SIRT1: variants seen among roughly 807,000 people sequenced by gnomAD.
SIRT1 encodes sirtuin 1.
Under a neutral mutation model 67.9 loss-of-function variants are expected in SIRT1, and 24 were observed. That is an observed-to-expected ratio of 0.35 (90% CI 0.26 to 0.50). The LOEUF (loss-of-function observed/expected upper bound fraction) is 0.50. SIRT1 is among the 20% of genes least tolerant of loss of function. The probability of loss-of-function intolerance (pLI) is 0.98; values close to 1 mark genes in which losing one functional copy is unlikely to be tolerated. For synonymous variants in SIRT1, 378 were observed against 350.7 expected, an observed-to-expected ratio of 1.08 and a Z score of -0.87; for missense variants, 873 against 937.2, an observed-to-expected ratio of 0.93 and a Z score of 0.89.
chr10:67,906,516 T>G (rs1423489514), intron 4 of SIRT1, among the ~76,000 whole-genome samples: 1 of 152,170 alleles, frequency 6.6e-6, no homozygotes, highest in Non-Finnish European at 1.5e-5. Flanking sequence ...TACTTCTGAC[T>G]TTTATTAAAA....
At position 67,888,884 on chromosome 10, in the gene SIRT1, C is replaced by T; in HGVS notation, c.550C>T (p.Pro184Ser). The change falls in exon 3 of 9, where the codon CCA becomes TCA. Residue 184 changes from proline (P) to serine (S), a missense_variant and splice_region_variant. Physicochemically the swap from Pro to Ser is moderately conservative, Grantham distance 74. Transcript: ENST00000212015. Reference sequence around the variant, plus strand: ...AAGCCTTTTCCCCCTTATTGTAGGTCCATATACTTTTGTTCAGCAACATCT... The same window carrying T: ...AAGCCTTTTCCCCCTTATTGTAGGTTCATATACTTTTGTTCAGCAACATCT... Reference protein sequence around the residue: ...SDWTPRPRIGPYTFVQQHLMI... With the variant: ...SDWTPRPRIGSYTFVQQHLMI... The T allele has an allele frequency of 1.9e-6, 3 of 1,608,480 alleles. No individual in the cohort carries two copies. In the Admixed American group the frequency reaches 5.0e-5, roughly 27 times the overall value.
intron 3 of SIRT1, among the ~76,000 whole-genome samples, chr10:67,890,731 AAAAG>A (rs1474128074): frequency 6.7e-6 from 1 of 148,526 alleles, no homozygotes; most frequent in Non-Finnish European, 1.5e-5. Flanking sequence ...AAACTGTCTA[AAAAG>A]AAAAAAAACA....
At chr10:67,906,989 G>T in intron 5 of SIRT1, 52 bp downstream of exon 5, 1 of 1,433,312 alleles carries the variant, frequency 7.0e-7, no homozygotes, top group Non-Finnish European at 9.3e-7. Flanking sequence ...TTTATAGGAA[G>T]ATATTTCCTA....
At chr10:67,909,988 A>C (rs901044678) in intron 7 of SIRT1, among the ~76,000 whole-genome samples, 1 of 152,134 alleles carries the variant, frequency 6.6e-6, no homozygotes, top group East Asian at 1.9e-4. Context: ...CTAGGATTAC[A>C]GGCACGAGCC....
intron 4 of SIRT1, among the ~76,000 whole-genome samples, chr10:67,896,572 G>C (rs1312519796): frequency 6.6e-6 from 1 of 151,992 alleles, no homozygotes; most frequent in Non-Finnish European, 1.5e-5. Flanking sequence ...GAGGTGGGCG[G>C]ATCACTTGAG....
chr10:67,907,867 C>T (rs1024767777), intron 5 of SIRT1, among the ~76,000 whole-genome samples, 179 bp from the exon 6 acceptor site: 2 of 152,142 alleles, frequency 1.3e-5, no homozygotes, highest in Non-Finnish European at 2.9e-5. Context: ...CCTAGATTCT[C>T]CTGTAGTATA....
intron 7 of SIRT1, among the ~76,000 whole-genome samples, chr10:67,911,777 A>AC (rs1842903247): frequency 1.5e-5 from 1 of 66,140 alleles, no homozygotes; most frequent in Admixed American, 1.7e-4. Flanking sequence ...CCTTCCTCCC[A>AC]CCCTCCCTCC....
At chr10:67,910,257 C>T (rs995312387) in intron 7 of SIRT1, among the ~76,000 whole-genome samples, 3 of 151,998 alleles carry the variant, frequency 2.0e-5, no homozygotes, top group African/African-American at 7.3e-5. Context: ...CACATGTAGT[C>T]CCAGCTACTT....
chr10:67,885,342 G>C (rs1250024213), intron 1 of SIRT1, 191 bp downstream of exon 1: 2 of 1,237,582 alleles, frequency 1.6e-6, no homozygotes, highest in Non-Finnish European at 2.0e-6. Flanking sequence ...CAGTGGATTC[G>C]CTCTTTTCCT....
At chr10:67,908,706 A>G (rs1842855473) in intron 6 of SIRT1, among the ~76,000 whole-genome samples, 1 of 152,198 alleles carries the variant, frequency 6.6e-6, no homozygotes, top group Non-Finnish European at 1.5e-5. Context: ...AAGTGAGACC[A>G]GCCTGGCCAA....
chr10:67,915,018 GC>G (rs926778351), intron 8 of SIRT1, among the ~76,000 whole-genome samples: 3 of 151,878 alleles, frequency 2.0e-5, no homozygotes, highest in African/African-American at 4.8e-5. Flanking sequence ...AAGCCACTGT[GC>G]CCTGCCTGTG....
rs774362830 is a variant in SIRT1, at chr10:67,887,367, T to G, written c.431-50T>G. ...ATTGCTCTATAACCGTTCATACATT[T>G]TAGGTGCATGTTGTTTTGATAGCCT... On this transcript the variant is annotated intron_variant, in intron 1 of 8. Transcript: ENST00000212015. 5.3e-6 allele frequency: 6 copies of G among 1,140,750 alleles called. No homozygotes were observed. In the African/African-American group the frequency reaches 6.1e-5, roughly 12 times the overall value. The allele number at this position is 1,140,750 out of a possible 1,614,324, so 70.7% of individuals were successfully genotyped here.
chr10:67,916,236 A>G (rs779135209), intron 8 of SIRT1, 29 bp from the exon 9 acceptor site: 2 of 1,571,894 alleles, frequency 1.3e-6, no homozygotes, highest in Admixed American at 3.5e-5. Flanking sequence ...TAGAAAACTG[A>G]AAGTAACATT....
At chr10:67,915,224 A>G (rs1334094865) in intron 8 of SIRT1, among the ~76,000 whole-genome samples, 1 of 152,220 alleles carries the variant, frequency 6.6e-6, no homozygotes, top group Non-Finnish European at 1.5e-5. Context: ...AGAACTTGAG[A>G]TAGGCCACCT....
Position 67,904,139 on chromosome 10 carries a change from T to G in SIRT1, c.943-2651T>G, listed in dbSNP as rs575993146. Among the ~76,000 whole-genome samples the G allele has an allele frequency of 3.8e-3, 573 of 150,340 alleles. 3 individuals are homozygous for G. The highest frequency in any genetic ancestry group is 7.6e-3 in the African/African-American group (311 of 41,128). On this transcript the variant is annotated intron_variant, in intron 4 of 8. Coordinates refer to ENST00000212015, the MANE Select transcript of SIRT1 (RefSeq NM_012238.5). Reference sequence around the variant, plus strand: ...GTTTTTTTTGTTTGTTTTTTTTTTTTTTTTTTTTAAAGGCTCTCACTCTGT... The same window carrying G: ...GTTTTTTTTGTTTGTTTTTTTTTTTGTTTTTTTTAAAGGCTCTCACTCTGT...
chr10:67,904,317 TG>T (rs1842789130), intron 4 of SIRT1, among the ~76,000 whole-genome samples: 1 of 151,608 alleles, frequency 6.6e-6, no homozygotes, highest in South Asian at 2.1e-4. Flanking sequence ...TTGTGTTTTT[TG>T]TAGAGTCAGG....
chr10:67,909,208 G>C, intron 6 of SIRT1, 48 bp from the exon 7 acceptor site: 1 of 1,305,608 alleles, frequency 7.7e-7, no homozygotes, highest in South Asian at 1.5e-5. Flanking sequence ...TTCTAACTTG[G>C]GCTTACTCTT....
intron 4 of SIRT1, among the ~76,000 whole-genome samples, chr10:67,900,788 C>T (rs1206343864): frequency 6.6e-6 from 1 of 152,010 alleles, no homozygotes; most frequent in African/African-American, 2.4e-5. Flanking sequence ...TACTACTGGC[C>T]GTTTGTATAT....
chr10:67,906,240 C>T lies in SIRT1; in HGVS notation c.943-550C>T, dbSNP rs1461873406. The T allele has an allele frequency of 4.4e-6, 7 of 1,575,064 alleles. No individual in the cohort carries two copies. In the African/African-American group the frequency reaches 8.1e-5, roughly 18 times the overall value. On this transcript the variant is annotated intron_variant, in intron 4 of 8. Coordinates refer to ENST00000212015, the MANE Select transcript of SIRT1 (RefSeq NM_012238.5). The stretch of plus-strand genomic sequence containing the variant: ...AGCAACTCAGCATTCATGAGCAACT[C>T]TATACTATACCAGTATGTGCCTGTG...
Sources: gnomAD v4.1 joint callset for allele counts (sites outside exome capture counted in the v4.1 genomes callset) on GRCh38, gnomAD v4.1.1 for gene constraint, MANE v1.5 for transcripts, NCBI Gene and HGNC (gene_info 2026-07-23, HGNC 2026-07-21) for gene names.